Variants in ANKAR observed in about 807,000 individuals in gnomAD.
ANKAR encodes the protein ankyrin and armadillo repeat containing.
Under a neutral mutation model 146.2 loss-of-function variants are expected in ANKAR, and 136 were observed. The ratio of observed to expected loss-of-function variants is 0.93; its 90% confidence interval spans 0.81 to 1.07. The LOEUF is 1.07. Among genes scored for constraint, ANKAR ranks in the 50% least tolerant of loss-of-function variants. ANKAR has a pLI of 0.00. For missense variants in ANKAR, 1,567 were observed against 1,679.9 expected, an observed-to-expected ratio of 0.93 and a Z score of 1.18; for synonymous variants, 500 against 575.8, an observed-to-expected ratio of 0.87 and a Z score of 1.88.
At chr2:189,742,983 C>G (rs1258748092) in intron 20 of ANKAR, among the ~76,000 whole-genome samples, 1 of 131,324 alleles carries the variant, frequency 7.6e-6, no homozygotes, top group African/African-American at 2.8e-5. Context: ...CACACACACC[C>G]CTGAAAGGAT....
At chr2:189,762,741 G>C (rs1338613736), downstream of ANKAR, 2 of 985,464 alleles carry the variant, frequency 2.0e-6, no homozygotes, top group South Asian at 4.7e-5. Context: ...AAAGACTGTC[G>C]ACTGCCCTTA....
At position 189,676,283 on chromosome 2, in the gene ANKAR, A is replaced by G. The variant is rs1185831487; in HGVS notation, c.-35-173A>G. ...AGGTTTTATAATTTTAATTATTTTA[A>G]TTCAAATTTCAGTTTTCATATACTG... On this transcript the variant is annotated intron_variant, in intron 1 of 22. Transcript: ENST00000684021. 7.8e-6 allele frequency: 4 copies of G among 510,388 alleles called. No homozygotes were observed. The Admixed American group carries it at 1.5e-4, about 19-fold the overall frequency. The allele number at this position is 510,388 out of a possible 1,614,324, so 31.6% of individuals were successfully genotyped here.
chr2:189,689,991 T>C lies in ANKAR; in HGVS notation c.1039+27T>C, dbSNP rs753033315. ...TAAGAGTATCACCAAAAATCAAATA[T>C]AAAATATAGGTATATATTAAATATA... On this transcript the variant is annotated intron_variant, in intron 3 of 22. Coordinates refer to ENST00000684021, the MANE Select transcript of ANKAR (RefSeq NM_001378068.1). 3.5e-6 allele frequency: 5 copies of C among 1,426,916 alleles called. No individual in the cohort carries two copies. The East Asian group carries it at 9.5e-5, about 27-fold the overall frequency. The allele number at this position is 1,426,916 out of a possible 1,614,324, so 88.4% of individuals were successfully genotyped here.
chr2:189,746,730 A>G, downstream of ANKAR: 1 of 1,253,920 alleles, frequency 8.0e-7, no homozygotes, highest in Non-Finnish European at 1.1e-6. Context: ...ATCTTTTTGA[A>G]TGAAAGTTCT....
chr2:189,752,942 C>A lies in ANKAR; in HGVS notation c.*584+8154C>A. The A allele has an allele frequency of 6.2e-7, 1 of 1,613,072 alleles. No individual in the cohort carries two copies. The highest frequency in any genetic ancestry group is 8.5e-7 in the Non-Finnish European group (1 of 1,179,614). ...ATTTGTTAAAATTTCCAGAGCTCTG[C>A]GGATATAGAAGTTACTTGCGACACC... On this transcript the variant is annotated intron_variant and NMD_transcript_variant, in intron 18 of 18. Coordinates refer to the ANKAR transcript ENST00000441800.
intron 7 of ANKAR, among the ~76,000 whole-genome samples, chr2:189,698,536 G>A (rs1433709935): frequency 6.6e-6 from 1 of 152,158 alleles, no homozygotes; most frequent in Non-Finnish European, 1.5e-5. Flanking sequence ...ATGTTAAGAG[G>A]TTATACTTTC....
intron 18 of ANKAR, among the ~76,000 whole-genome samples, chr2:189,759,173 T>C (rs1197164343): frequency 2.6e-5 from 4 of 152,208 alleles, no homozygotes; most frequent in Non-Finnish European, 5.9e-5. Context: ...TAGTTATTGT[T>C]TGAGGCTCAA....
intron 16 of ANKAR, among the ~76,000 whole-genome samples, chr2:189,732,659 TAAAAAAAAAAAA>T (rs10707585): frequency 4.0e-5 from 2 of 50,388 alleles, no homozygotes; most frequent in African/African-American, 1.5e-4. Context: ...AGACTCCATC[TAAAAAAAAAAAA>T]AAAAAAAAAA....
At chr2:189,745,176 G>A (rs2043968342) in intron 22 of ANKAR, among the ~76,000 whole-genome samples, 1 of 151,714 alleles carries the variant, frequency 6.6e-6, no homozygotes, top group African/African-American at 2.4e-5. Flanking sequence ...GGGTGACAGA[G>A]TGAGACTCTG....
At chr2:189,733,269 A>C in intron 17 of ANKAR, 40 bp downstream of exon 17, 1 of 1,539,590 alleles carries the variant, frequency 6.5e-7, no homozygotes, top group Non-Finnish European at 8.8e-7. Context: ...TTTTGAAAAA[A>C]ATGGTTTTTA....
chr2:189,682,133 G>T (rs1012044232), intron 2 of ANKAR, among the ~76,000 whole-genome samples: 1 of 152,082 alleles, frequency 6.6e-6, no homozygotes, highest in African/African-American at 2.4e-5. Context: ...AATCAAAGAT[G>T]AGCATCAAAA....
chr2:189,691,777 A>G (rs2036449427), intron 3 of ANKAR, among the ~76,000 whole-genome samples: 1 of 151,346 alleles, frequency 6.6e-6, no homozygotes, highest in South Asian at 2.1e-4. Context: ...TAATATATGT[A>G]TTTGAGACAG....
chr2:189,676,587 G>T lies in ANKAR; in HGVS notation c.97G>T (p.Ala33Ser). The T allele has an allele frequency of 1.9e-6, 3 of 1,612,652 alleles. No individual in the cohort carries two copies. Among genetic ancestry groups the T allele is most frequent in the Non-Finnish European group, 1.7e-6 (2 of 1,179,858 alleles). Residue 33 changes from alanine (A) to serine (S), a missense_variant, in exon 2 of 23, where the codon GCT (alanine) becomes TCT (serine). Transcript: ENST00000684021. ...TTTAGCAATACAAAGAAATGCATCT[G>T]CTTTTTTTGAAAAATATGATCGGAG... ...ENLAIQRNASAFFEKYDRSEI... is the reference protein window; with the variant it reads ...ENLAIQRNASSFFEKYDRSEI...
In ANKAR at chr2:189,733,242, C is replaced by T; in HGVS notation, c.3423+13C>T. 2 of 1,568,996 alleles carry T rather than the reference C, an allele frequency of 1.3e-6. No individual in the cohort carries two copies. Among genetic ancestry groups the T allele is most frequent in the Non-Finnish European group, 1.7e-6 (2 of 1,160,858 alleles). On this transcript the variant is annotated intron_variant, in intron 17 of 22. Coordinates refer to ENST00000684021, the MANE Select transcript of ANKAR (RefSeq NM_001378068.1). The stretch of plus-strand genomic sequence containing the variant: ...CTCAACAGAAAAGGTAATACCTTTA[C>T]AAAATATTGAGGTTCATTTTGAAAA...
At chr2:189,684,165 A>G (rs2035167914) in intron 2 of ANKAR, among the ~76,000 whole-genome samples, 1 of 152,164 alleles carries the variant, frequency 6.6e-6, no homozygotes, top group South Asian at 2.1e-4. Context: ...TTGAGAAAAA[A>G]TGGGAACTTA....
At chr2:189,681,270 A>T (rs1478157088) in intron 2 of ANKAR, among the ~76,000 whole-genome samples, 1 of 152,256 alleles carries the variant, frequency 6.6e-6, no homozygotes, top group Admixed American at 6.5e-5. Context: ...TGGATCATCC[A>T]GTTAGAGCAC....
intron 15 of ANKAR, 87 bp downstream of exon 15, chr2:189,728,908 TC>T: frequency 7.7e-7 from 1 of 1,296,912 alleles, no homozygotes. Flanking sequence ...TCTCTTCCTC[TC>T]TATCCCCACT....
intron 18 of ANKAR, chr2:189,752,955 T>C (rs748107005): frequency 6.2e-7 from 1 of 1,612,668 alleles, no homozygotes; most frequent in Non-Finnish European, 8.5e-7. Context: ...ATATAGAAGT[T>C]ACTTGCGACA....
chr2:189,706,905 G>A (rs1289176622), intron 8 of ANKAR, 33 bp from the exon 9 acceptor site: 1 of 1,551,048 alleles, frequency 6.4e-7, no homozygotes, highest in Non-Finnish European at 8.8e-7. Flanking sequence ...GACACTCTAT[G>A]CGTGTTTAAT....
Sources: gnomAD v4.1 joint callset for allele counts (sites outside exome capture counted in the v4.1 genomes callset) on GRCh38, gnomAD v4.1.1 for gene constraint, MANE v1.5 for transcripts, NCBI Gene and HGNC (gene_info 2026-07-23, HGNC 2026-07-21) for gene names.